GPHN: variants seen among roughly 807,000 people sequenced by gnomAD.
GPHN encodes the protein gephyrin.
In GPHN, 17 loss-of-function variants were observed where a neutral mutation model predicts 95.5. The ratio of observed to expected loss-of-function variants is 0.18; its 90% CI spans 0.12 to 0.27. GPHN has a LOEUF of 0.27. GPHN is among the 10% of genes least tolerant of loss of function. The pLI, the probability that GPHN is intolerant of heterozygous loss-of-function variation, is 1.00. For synonymous variants in GPHN, 320 were observed against 322.5 expected, an observed-to-expected ratio of 0.99 and a Z score of 0.08; for missense variants, 660 against 978.1, an observed-to-expected ratio of 0.67 and a Z score of 4.34.
the GPHN span, chr14:67,359,795 A>C: frequency 7.0e-7 from 1 of 1,430,322 alleles, no homozygotes. Flanking sequence ...TACGGGAGTC[A>C]GCTGGTTGTG....
chr14:66,663,120 G>T (rs1183208055), intron 1 of GPHN, among the ~76,000 whole-genome samples: 2 of 152,072 alleles, frequency 1.3e-5, no homozygotes, highest in Non-Finnish European at 2.9e-5. Context: ...TCAGGAAATG[G>T]GAGAACCCCT....
At chr14:67,144,886 A>C (rs1414926201) in intron 18 of GPHN, among the ~76,000 whole-genome samples, 1 of 152,180 alleles carries the variant, frequency 6.6e-6, no homozygotes, top group Non-Finnish European at 1.5e-5. Flanking sequence ...CTCACATTAC[A>C]TCCAGGAGTG....
intron 9 of GPHN, among the ~76,000 whole-genome samples, chr14:66,968,288 A>G: frequency 6.6e-6 from 1 of 152,036 alleles, no homozygotes; most frequent in Non-Finnish European, 1.5e-5. Flanking sequence ...GGTAAAAGAA[A>G]AGAGTTTAAT....
chr14:66,635,861 G>A (rs914526126), intron 1 of GPHN, among the ~76,000 whole-genome samples: 2 of 151,824 alleles, frequency 1.3e-5, no homozygotes, highest in South Asian at 2.1e-4. Context: ...ATTTTAGGCC[G>A]GGCACGGTGG....
chr14:67,349,074 C>T, the GPHN span: 10 of 1,613,942 alleles, frequency 6.2e-6, no homozygotes, highest in African/African-American at 4.0e-5. Flanking sequence ...TCTTCACTTG[C>T]GCTTTATTGA....
Position 66,777,104 on chromosome 14 carries a change from G to A in GPHN, c.201+583G>A, listed in dbSNP as rs1399802018. On this transcript the variant is annotated intron_variant, in intron 3 of 22. Transcript: ENST00000478722. Reference sequence around the variant, plus strand: ...CTAATAAAAAAAAAAAAAGAGAGAAGAATCAAATAGACGCAATAAAAAATG... The same window carrying A: ...CTAATAAAAAAAAAAAAAGAGAGAAAAATCAAATAGACGCAATAAAAAATG... Among the ~76,000 whole-genome samples the A allele has an allele frequency of 8.0e-5, 12 of 149,546 alleles. No individual in the cohort carries two copies. In the South Asian group the frequency reaches 2.5e-3, roughly 31 times the overall value.
chr14:67,076,508 C>A (rs1201717242), intron 11 of GPHN, among the ~76,000 whole-genome samples: 2 of 152,122 alleles, frequency 1.3e-5, no homozygotes, highest in Non-Finnish European at 2.9e-5. Flanking sequence ...CTTCACCTTT[C>A]ATAGTAACCC....
chr14:66,750,844 G>T (rs907129098), intron 2 of GPHN, among the ~76,000 whole-genome samples: 1 of 151,850 alleles, frequency 6.6e-6, no homozygotes. Context: ...GGTTGCTTTG[G>T]TTTGGATTCC....
chr14:67,339,990 C>A, the GPHN span: 1 of 143,480 alleles, frequency 7.0e-6, no homozygotes, highest in African/African-American at 2.7e-5. Context: ...AAGATCGAAC[C>A]ATTGCACTCC....
At chr14:66,638,455 GACA>G (rs199574589) in intron 1 of GPHN, among the ~76,000 whole-genome samples, 2 of 151,884 alleles carry the variant, frequency 1.3e-5, no homozygotes, top group Admixed American at 6.6e-5. Flanking sequence ...GAACAACAAC[GACA>G]ACAACAACAA....
chr14:66,772,003 C>G (rs1291048123), intron 2 of GPHN, among the ~76,000 whole-genome samples: 1 of 151,760 alleles, frequency 6.6e-6, no homozygotes, highest in African/African-American at 2.4e-5. Context: ...ATAGAAATAA[C>G]TATTACAACT....
chr14:66,941,530 A>G (rs1056761844), intron 8 of GPHN, among the ~76,000 whole-genome samples: 2 of 152,092 alleles, frequency 1.3e-5, no homozygotes, highest in Non-Finnish European at 2.9e-5. Flanking sequence ...CCTGTTAGAA[A>G]GAGACATTCT....
the GPHN span, among the ~76,000 whole-genome samples, chr14:67,669,436 C>CT: frequency 0.13 from 19,326 of 144,492 alleles, 1,485 homozygotes; most frequent in Middle Eastern, 0.25. Context: ...CACTACTCAG[C>CT]TTTTTTTTTT....
the GPHN span, among the ~76,000 whole-genome samples, chr14:67,284,569 A>ACG: frequency 4.9e-5 from 7 of 142,460 alleles, no homozygotes; most frequent in Admixed American, 3.5e-4. Flanking sequence ...AAAAAAAAAA[A>ACG]AAAAAAAAAA....
chr14:66,784,315 C>T (rs2059700998), intron 3 of GPHN, among the ~76,000 whole-genome samples: 1 of 152,116 alleles, frequency 6.6e-6, no homozygotes, highest in South Asian at 2.1e-4. Context: ...ATGCCATATT[C>T]AGTGAAGTTA....
rs77636679 is a variant in GPHN at position 67,059,014 on chromosome 14, GA to G, written c.1144+243del. Reference sequence around the variant, plus strand: ...GAAACTGCCTTTTCATTAAAAAAAGGAAAAAAAAAAAAAAAGGAAGAAAATC... The same window carrying G: ...GAAACTGCCTTTTCATTAAAAAAAGGAAAAAAAAAAAAAAGGAAGAAAATC... On this transcript the variant is annotated intron_variant, in intron 11 of 22. Coordinates refer to ENST00000478722, the MANE Select transcript of GPHN (RefSeq NM_020806.5). The G allele has an allele frequency of 0.2, 74,441 of 368,978 alleles. 155 individuals are homozygous for G. The highest frequency in any genetic ancestry group is 0.26 in the Middle Eastern group (381 of 1,462). 22.9% of individuals were successfully genotyped at this position (368,978 alleles called of 1,614,324 possible). A position where few individuals can be genotyped will look rare whatever the true frequency, so the allele number is the denominator to read the frequency against.
chr14:66,628,544 C>G (rs1221382506), intron 1 of GPHN, among the ~76,000 whole-genome samples: 1 of 152,024 alleles, frequency 6.6e-6, no homozygotes, highest in Non-Finnish European at 1.5e-5. Context: ...CTGGAGGTTG[C>G]TTCGGGTAGG....
chr14:66,898,903 A>C (rs1326278536), intron 5 of GPHN, among the ~76,000 whole-genome samples: 1 of 151,836 alleles, frequency 6.6e-6, no homozygotes. Context: ...CTTTTATTGC[A>C]GTTTTCAGTA....
intron 1 of GPHN, among the ~76,000 whole-genome samples, chr14:66,577,837 G>A (rs1038894022): frequency 6.6e-6 from 1 of 151,966 alleles, no homozygotes; most frequent in African/African-American, 2.4e-5. Flanking sequence ...TCCCAGTCAA[G>A]GTTATATATA....
Sources: gnomAD v4.1 joint callset for allele counts (sites outside exome capture counted in the v4.1 genomes callset) on GRCh38, gnomAD v4.1.1 for gene constraint, MANE v1.5 for transcripts, NCBI Gene and HGNC (gene_info 2026-07-23, HGNC 2026-07-21) for gene names.